PHIP: variants seen among roughly 807,000 people sequenced by gnomAD.
PHIP encodes the protein PHIP subunit of CUL4-Ring ligase complex.
In PHIP, 54 loss-of-function variants were observed where a neutral mutation model predicts 236.8. The ratio of observed to expected loss-of-function variants is 0.23; its 90% CI spans 0.18 to 0.29. The LOEUF is 0.29. PHIP is among the 10% of genes least tolerant of loss of function. The pLI is 1.00. For synonymous variants in PHIP, 756 were observed against 718.9 expected (o/e 1.05, Z -0.83); for missense variants, 1,370 against 2,190.8 (o/e 0.63, Z 7.48).
chr6:79,020,155 G>C (rs1397391702), intron 9 of PHIP, among the ~76,000 whole-genome samples: 2 of 151,036 alleles, frequency 1.3e-5, no homozygotes, highest in Non-Finnish European at 3.0e-5. Context: ...AATAATTGCG[G>C]TTTTGCCTTT....
chr6:78,957,074 C>T (rs1355742695), intron 32 of PHIP: 3 of 151,820 alleles, frequency 2.0e-5, no homozygotes, highest in African/African-American at 7.3e-5. Flanking sequence ...TAAAAAAATG[C>T]CATGGATTTA....
At chr6:79,019,307 G>A (rs1477704372) in intron 9 of PHIP, 148 bp from the exon 10 acceptor site, 1 of 599,358 alleles carries the variant, frequency 1.7e-6, no homozygotes, top group Non-Finnish European at 3.0e-6. Flanking sequence ...ATCATTATGT[G>A]TCATAAATCA....
intron 18 of PHIP, among the ~76,000 whole-genome samples, 200 bp from the exon 19 acceptor site, chr6:78,997,797 A>G (rs1210603041): frequency 6.6e-6 from 1 of 152,214 alleles, no homozygotes; most frequent in Admixed American, 6.5e-5. Flanking sequence ...TGATTAGATA[A>G]GTCAATGAAT....
At chr6:79,007,685 C>G (rs1464285507) in intron 15 of PHIP, among the ~76,000 whole-genome samples, 1 of 138,764 alleles carries the variant, frequency 7.2e-6, no homozygotes, top group Non-Finnish European at 1.5e-5. Flanking sequence ...TTAAGCACAC[C>G]GTTCATTAGA....
At chr6:79,023,888 C>A (rs1177791299) in intron 9 of PHIP, among the ~76,000 whole-genome samples, 1 of 152,106 alleles carries the variant, frequency 6.6e-6, no homozygotes, top group Non-Finnish European at 1.5e-5. Flanking sequence ...ATCACTTTTT[C>A]TTCTCTAAAA....
At chr6:78,982,274 A>G (rs1159740908) in intron 23 of PHIP, among the ~76,000 whole-genome samples, 2 of 152,044 alleles carry the variant, frequency 1.3e-5, no homozygotes, top group Non-Finnish European at 2.9e-5. Flanking sequence ...TATTCTTCCT[A>G]TAATATTTCT....
chr6:78,959,656 CAG>C (rs1766645959), intron 31 of PHIP, among the ~76,000 whole-genome samples: 1 of 152,062 alleles, frequency 6.6e-6, no homozygotes, highest in Non-Finnish European at 1.5e-5. Context: ...AGGTTTATAA[CAG>C]AGTTTATTAT....
intron 15 of PHIP, among the ~76,000 whole-genome samples, chr6:79,004,691 A>T (rs562790866): frequency 1.3e-5 from 2 of 152,224 alleles, no homozygotes; most frequent in Admixed American, 6.5e-5. Flanking sequence ...CGGAACACAC[A>T]CACATTATCA....
intron 24 of PHIP, among the ~76,000 whole-genome samples, chr6:78,977,538 G>A (rs1224474854): frequency 6.6e-6 from 1 of 151,864 alleles, no homozygotes; most frequent in Non-Finnish European, 1.5e-5. Flanking sequence ...TACCATTATT[G>A]CTCCAGTTGT....
At chr6:78,984,898 G>A (rs1023761553) in intron 22 of PHIP, among the ~76,000 whole-genome samples, 9 of 152,130 alleles carry the variant, frequency 5.9e-5, no homozygotes, top group Admixed American at 2.0e-4. Context: ...AATGTGAATC[G>A]CCAGTATAAG....
chr6:79,032,653 C>G (rs1690527835), intron 7 of PHIP, among the ~76,000 whole-genome samples: 1 of 152,022 alleles, frequency 6.6e-6, no homozygotes, highest in South Asian at 2.1e-4. Context: ...CAGTTAACTT[C>G]CTCCACTGAA....
chr6:78,962,157 C>CT (rs1352942244), intron 30 of PHIP, among the ~76,000 whole-genome samples: 2 of 152,148 alleles, frequency 1.3e-5, no homozygotes, highest in Non-Finnish European at 2.9e-5. Context: ...ATTATTAACA[C>CT]TGTAACATAC....
At chr6:78,999,902 C>T (rs1769877720) in intron 17 of PHIP, among the ~76,000 whole-genome samples, 2 of 151,964 alleles carry the variant, frequency 1.3e-5, no homozygotes, top group African/African-American at 4.8e-5. Flanking sequence ...ATGTCTTATA[C>T]TTCTTTCCTG....
chr6:79,021,680 C>G (rs1771123454), intron 9 of PHIP, among the ~76,000 whole-genome samples: 4 of 152,064 alleles, frequency 2.6e-5, no homozygotes, highest in Admixed American at 2.0e-4. Context: ...AAAATCAAAA[C>G]AGTTGAATTC....
intron 9 of PHIP, among the ~76,000 whole-genome samples, chr6:79,021,213 C>G (rs1416045206): frequency 6.6e-6 from 1 of 152,218 alleles, no homozygotes; most frequent in Non-Finnish European, 1.5e-5. Context: ...GTGACGCTAT[C>G]TCAGCTCACT....
chr6:78,968,009 G>A (rs1476897343), intron 27 of PHIP, among the ~76,000 whole-genome samples: 2 of 152,096 alleles, frequency 1.3e-5, no homozygotes, highest in Middle Eastern at 3.4e-3. Flanking sequence ...GTGGTGGCAG[G>A]AGCCTGTAGT....
intron 6 of PHIP, among the ~76,000 whole-genome samples, chr6:79,049,119 G>C (rs938468113): frequency 6.6e-6 from 1 of 151,570 alleles, no homozygotes; most frequent in African/African-American, 2.4e-5. Context: ...GTACAGGCTG[G>C]AGTATACTGG....
At chr6:79,066,670 T>G (rs141507271) in intron 4 of PHIP, among the ~76,000 whole-genome samples, 1 of 152,164 alleles carries the variant, frequency 6.6e-6, no homozygotes, top group Admixed American at 6.5e-5. Context: ...TAAATTCCTA[T>G]AGGTAAAAGG....
At chr6:79,020,110 A>G (rs1771040054) in intron 9 of PHIP, among the ~76,000 whole-genome samples, 1 of 152,136 alleles carries the variant, frequency 6.6e-6, no homozygotes, top group Non-Finnish European at 1.5e-5. Context: ...AAAAGTATAT[A>G]CATAAAATAT....
Sources: allele counts gnomAD v4.1 joint callset (sites outside exome capture counted in the v4.1 genomes callset), GRCh38; gene constraint gnomAD v4.1.1; transcripts MANE v1.5; gene names NCBI Gene and HGNC (gene_info 2026-07-23, HGNC 2026-07-21).